Variants in DPP6 observed in about 807,000 individuals in gnomAD.
DPP6 encodes the protein dipeptidyl peptidase like 6, also known as A-type potassium channel modulatory protein DPP6.
DPP6 carries 69 observed loss-of-function variants against 122.6 expected under a neutral mutation model. The observed-to-expected ratio is 0.56, with a 90% CI of 0.46 to 0.69. The LOEUF (loss-of-function observed/expected upper bound fraction) is 0.69, where lower values mean the gene tolerates loss of function less well. Among genes scored for constraint, DPP6 ranks in the 30% least tolerant of loss-of-function variants. The pLI, the probability that DPP6 is intolerant of heterozygous loss-of-function variation, is 0.00. For missense variants in DPP6, 928 were observed against 1,116.9 expected (o/e 0.83, Z 2.41); for synonymous variants, 418 against 433.1 (o/e 0.97, Z 0.43).
chr7:154,854,165 A>T (rs1010191483), intron 17 of DPP6, among the ~76,000 whole-genome samples: 1 of 152,122 alleles, frequency 6.6e-6, no homozygotes, highest in Non-Finnish European at 1.5e-5. Context: ...AGAACCTGCC[A>T]TGTGGCACCA....
chr7:154,486,265 C>T lies in DPP6; in HGVS notation c.457+11228C>T, dbSNP rs1053945266. ...TCTTCCGCTTCAGCCTCCTGAGTAG[C>T]TGGGACTACAGGTGTGTGCCACCAC... On this transcript the variant is annotated intron_variant, in intron 3 of 25. Coordinates refer to ENST00000377770, the MANE Select transcript of DPP6 (RefSeq NM_130797.4). The surrounding 1 kb of genome is among the most constrained non-coding windows in gnomAD (Gnocchi z 4.5). Among the ~76,000 whole-genome samples, 16 of 152,258 alleles carry T rather than the reference C, an allele frequency of 1.1e-4. No individual in the cohort carries two copies. Among genetic ancestry groups the T allele is most frequent in the African/African-American group, 3.6e-4 (15 of 41,540 alleles).
At chr7:154,726,098 G>C (rs1365715920) in intron 7 of DPP6, among the ~76,000 whole-genome samples, 2 of 152,210 alleles carry the variant, frequency 1.3e-5, no homozygotes, top group Non-Finnish European at 2.9e-5. Context: ...TTCCTCAGCT[G>C]CTTTCACAGG....
At chr7:154,570,770 C>G (rs1831056815) in intron 5 of DPP6, among the ~76,000 whole-genome samples, 1 of 152,128 alleles carries the variant, frequency 6.6e-6, no homozygotes. Context: ...TATGCCAACC[C>G]TATGTTTTTT....
chr7:154,319,586 T>C (rs1807741952), intron 1 of DPP6, among the ~76,000 whole-genome samples: 1 of 150,640 alleles, frequency 6.6e-6, no homozygotes, highest in African/African-American at 2.5e-5. Context: ...TCCCAGCTAC[T>C]CAGGAGGCTG....
chr7:154,453,213 C>G (rs1181252975), intron 2 of DPP6, among the ~76,000 whole-genome samples: 1 of 152,088 alleles, frequency 6.6e-6, no homozygotes, highest in Non-Finnish European at 1.5e-5. Flanking sequence ...CACATTAGAG[C>G]AGGTGGACAG....
At chr7:154,269,450 C>A (rs147933575) in intron 1 of DPP6, among the ~76,000 whole-genome samples, 1 of 152,278 alleles carries the variant, frequency 6.6e-6, no homozygotes, top group Non-Finnish European at 1.5e-5. Context: ...TCCCCTTGTC[C>A]TGCCCTTCTC....
At chr7:154,010,188 A>G (rs1798095758) in intron 1 of DPP6, among the ~76,000 whole-genome samples, 1 of 152,216 alleles carries the variant, frequency 6.6e-6, no homozygotes, top group South Asian at 2.1e-4. Flanking sequence ...TAAATAAAGA[A>G]TACAAATCAG....
At chr7:154,310,702 A>G (rs1313067676) in intron 1 of DPP6, among the ~76,000 whole-genome samples, 4 of 152,146 alleles carry the variant, frequency 2.6e-5, no homozygotes, top group Non-Finnish European at 5.9e-5. Context: ...CTTTTCATTA[A>G]CCTTCACCGA....
intron 1 of DPP6, among the ~76,000 whole-genome samples, chr7:154,003,873 C>T (rs1797791360): frequency 2.6e-5 from 4 of 152,218 alleles, no homozygotes. Context: ...CCTGGAACTT[C>T]CCCCTCATTT....
At chr7:153,843,734 C>A in the DPP6 span, among the ~76,000 whole-genome samples, 1 of 152,118 alleles carries the variant, frequency 6.6e-6, no homozygotes, top group Non-Finnish European at 1.5e-5. Context: ...TGTGCATTAG[C>A]AATTTCTAAC....
chr7:154,226,563 G>A (rs1800615976), intron 1 of DPP6, among the ~76,000 whole-genome samples: 2 of 152,144 alleles, frequency 1.3e-5, no homozygotes, highest in South Asian at 4.1e-4. Context: ...TCTTCGTACA[G>A]TATTGCAATC....
intron 16 of DPP6, among the ~76,000 whole-genome samples, chr7:154,834,630 G>A (rs1422612814): frequency 3.9e-5 from 6 of 152,238 alleles, no homozygotes; most frequent in East Asian, 1.9e-4. Flanking sequence ...AGGGAGACTC[G>A]GAGACTAGGG....
intron 8 of DPP6, among the ~76,000 whole-genome samples, chr7:154,732,178 A>C (rs1473501895): frequency 3.3e-5 from 5 of 150,084 alleles, no homozygotes; most frequent in Admixed American, 1.3e-4. Context: ...AGCTGGGACT[A>C]ACAGGCGCCT....
intron 1 of DPP6, among the ~76,000 whole-genome samples, chr7:153,948,686 A>G (rs192438303): frequency 3.3e-5 from 5 of 151,478 alleles, no homozygotes; most frequent in Middle Eastern, 3.4e-3. Context: ...ACAAAATATA[A>G]TACAACTTAA....
At chr7:153,773,264 C>CGTGTGTGTGTGTGTGTGTGTGTGT in the DPP6 span, among the ~76,000 whole-genome samples, 59 of 132,440 alleles carry the variant, frequency 4.5e-4, 1 homozygote, top group Admixed American at 1.4e-3. Flanking sequence ...TCTTTTCTTT[C>CGTGTGTGTGTGTGTGTGTGTGTGT]GTGTGTGTGT....
intron 1 of DPP6, among the ~76,000 whole-genome samples, chr7:153,962,365 C>T (rs2531105): frequency 3.3e-5 from 5 of 152,214 alleles, no homozygotes; most frequent in Non-Finnish European, 5.9e-5. Flanking sequence ...TCCTCCTTCG[C>T]TCCTGTGGTA....
At chr7:154,705,685 C>T (rs1030610388) in intron 7 of DPP6, among the ~76,000 whole-genome samples, 8 of 152,224 alleles carry the variant, frequency 5.3e-5, no homozygotes, top group African/African-American at 1.9e-4. Context: ...TCCCAGACAG[C>T]CCCTGAGTCA....
chr7:153,784,866 G>C, the DPP6 span, among the ~76,000 whole-genome samples: 1 of 152,262 alleles, frequency 6.6e-6, no homozygotes, highest in African/African-American at 2.4e-5. Flanking sequence ...AAAGTAAGCT[G>C]TTACAATATC....
chr7:154,178,517 GA>G (rs58383279), intron 1 of DPP6, among the ~76,000 whole-genome samples: 91 of 139,916 alleles, frequency 6.5e-4, no homozygotes, highest in Middle Eastern at 3.6e-3. Context: ...AAAAAATCCT[GA>G]AAAAAAAAAA....
Sources: allele counts gnomAD v4.1 joint callset (sites outside exome capture counted in the v4.1 genomes callset), GRCh38; gene constraint gnomAD v4.1.1; non-coding constraint Gnocchi (gnomAD v3.1); transcripts MANE v1.5; gene names NCBI Gene and HGNC (gene_info 2026-07-23, HGNC 2026-07-21).